The following IL27 variants were observed in gnomAD, a reference collection of about 807,000 sequenced individuals.
The protein encoded by IL27 is interleukin-27 subunit alpha.
Under a neutral mutation model 27.0 loss-of-function variants are expected in IL27, and 11 were observed. The ratio of observed to expected loss-of-function variants is 0.41; its 90% CI spans 0.26 to 0.67. The LOEUF (loss-of-function observed/expected upper bound fraction) is 0.67, where lower values mean the gene tolerates loss of function less well. Among genes scored for constraint, IL27 ranks in the 30% least tolerant of loss-of-function variants. The pLI is 0.34. For synonymous variants in IL27, 134 were observed against 140.6 expected (o/e 0.95, Z 0.33); for missense variants, 299 against 310.4 (o/e 0.96, Z 0.28).
At chr16:28,501,941 G>C (rs764418311) in intron 4 of IL27, 35 bp downstream of exon 4, 2 of 1,581,532 alleles carry the variant, frequency 1.3e-6, no homozygotes, top group Non-Finnish European at 1.7e-6. Flanking sequence ...TCTTTCCCAC[G>C]TGGTCTGGGG....
In IL27 at chr16:28,503,706, G is replaced by A. The variant is rs566281238; in HGVS notation, c.292C>T (p.Arg98Cys). Residue 98 changes from arginine (R) to cysteine (C), a missense_variant, in exon 3 of 5, where the codon CGC becomes TGC. Transcript: ENST00000356897. The part of the protein sequence containing the change: ...PDVSLTFQAW[R>C]RLSDPERLCF... The stretch of plus-strand genomic sequence containing the variant: ...CAGCCCTCACTCACAGAGAGGCGGC[G>A]CCAGGCCTGGAAGGTCAGGGAAACA... 99 of 1,610,476 alleles carry A rather than the reference G, an allele frequency of 6.1e-5. No homozygotes were observed. Among genetic ancestry groups the A allele is most frequent in the Non-Finnish European group, 7.8e-5 (92 of 1,177,878 alleles).
At chr16:28,501,711 C>T (rs2046431626) in intron 4 of IL27, among the ~76,000 whole-genome samples, 1 of 147,772 alleles carries the variant, frequency 6.8e-6, no homozygotes. Context: ...ACAGTCACTC[C>T]CACACACTCT....
chr16:28,503,332 C>T (rs1321661377), intron 3 of IL27, among the ~76,000 whole-genome samples: 1 of 152,132 alleles, frequency 6.6e-6, no homozygotes, highest in Non-Finnish European at 1.5e-5. Context: ...TCACTGCAGC[C>T]TCCAACTCCT....
At position 28,499,837 on chromosome 16, in the gene IL27, T is replaced by C. The variant is rs1567269997; in HGVS notation, c.546A>G (p.Pro182=). 6.4e-7 allele frequency: 1 copy of C among 1,573,444 alleles called. No homozygotes were observed. Among genetic ancestry groups the C allele is most frequent in the Non-Finnish European group, 8.6e-7 (1 of 1,159,806 alleles). The change falls in exon 5 of 5, where the codon CCA becomes CCG. Residue 182 remains proline (P), a synonymous_variant. Transcript: ENST00000356897. ...CCTGTAAGGCGCTGCCCAGTGCCCC[T>C]GGGAGCAGCCCCTTCCTCTCCTCCT... The part of the protein sequence containing the change: ...EEEEERKGLL[P]GALGSALQGP...
Position 28,502,351 on chromosome 16 carries a change from TCCTATG to T in IL27, c.304-223_304-218del, listed in dbSNP as rs1480175645. ...TCTCCTTTTCCAGCCTCCCTTTCAC[TCCTATG>T]CCAATGATCTTCTCTAACCCACCCC... On this transcript the variant is annotated intron_variant, in intron 3 of 4. Transcript: ENST00000356897. Among the ~76,000 whole-genome samples, 11 of 151,492 alleles carry T rather than the reference TCCTATG, an allele frequency of 7.3e-5. No individual in the cohort carries two copies. In the East Asian group the frequency reaches 2.1e-3, roughly 30 times the overall value.
At chr16:28,501,289 A>G (rs1244319016) in intron 4 of IL27, among the ~76,000 whole-genome samples, 2 of 149,664 alleles carry the variant, frequency 1.3e-5, no homozygotes, top group Non-Finnish European at 3.0e-5. Context: ...CACACACCTC[A>G]CTTTCACACT....
chr16:28,499,888 C>T lies in IL27; in HGVS notation c.495G>A (p.Glu165=), dbSNP rs1286940799. ...CCTCCTCCTCCTCTTCCTCCTCCTC[C>T]TCCTCCGGGAGGTTGAATCCTGCAG... The part of the protein sequence containing the change: ...VLAAGFNLPE[E]EEEEEEEEEE... The change falls in exon 5 of 5, where the codon GAG becomes GAA. Residue 165 remains glutamate, a synonymous_variant. Coordinates refer to ENST00000356897, the MANE Select transcript of IL27 (RefSeq NM_145659.3). The T allele has an allele frequency of 3.2e-6, 5 of 1,552,126 alleles. No individual in the cohort carries two copies. The highest frequency in any genetic ancestry group is 4.4e-6 in the Non-Finnish European group (5 of 1,147,138).
chr16:28,501,929 C>T, intron 4 of IL27, 47 bp downstream of exon 4: 1 of 1,575,890 alleles, frequency 6.3e-7, no homozygotes, highest in Non-Finnish European at 8.6e-7. Flanking sequence ...GCCAGCGAGT[C>T]TTCTTTCCCA....
At chr16:28,501,263 T>C (rs1011353291) in intron 4 of IL27, among the ~76,000 whole-genome samples, 1 of 149,076 alleles carries the variant, frequency 6.7e-6, no homozygotes, top group African/African-American at 2.5e-5. Flanking sequence ...GACATACCTA[T>C]ACCCAAACTC....
In IL27 at chr16:28,501,967, GGGCTCTAC is replaced by G; in HGVS notation, c.462+1_462+8del. The G allele has an allele frequency of 6.3e-7, 1 of 1,599,200 alleles. No homozygotes were observed. On this transcript the variant is annotated splice_donor_variant and splice_donor_5th_base_variant and intron_variant, in intron 4 of 4. Coordinates refer to ENST00000356897, the MANE Select transcript of IL27 (RefSeq NM_145659.3). LOFTEE classifies it high-confidence loss of function. ...TGGTCTGGGGTGGTGGAGGGTGGCC[GGGCTCTAC>G]CTGGAAGCGGAGGTGCCGCTGCAGA... is the stretch of plus-strand genomic sequence containing the variant.
At chr16:28,504,095 G>A (rs773685258) in intron 1 of IL27, 45 bp from the exon 2 acceptor site, 2 of 1,536,732 alleles carry the variant, frequency 1.3e-6, no homozygotes, top group East Asian at 2.3e-5. Flanking sequence ...GAGAGCTTGA[G>A]AAGGAAGGGA....
chr16:28,504,621 A>G (rs566170488), intron 1 of IL27, among the ~76,000 whole-genome samples: 7 of 149,192 alleles, frequency 4.7e-5, no homozygotes, highest in South Asian at 2.1e-4. Flanking sequence ...GTTCTGTTCT[A>G]TCACCCAGCC....
chr16:28,504,587 C>CTT (rs113113152), intron 1 of IL27, among the ~76,000 whole-genome samples: 2 of 144,458 alleles, frequency 1.4e-5, no homozygotes, highest in East Asian at 2.0e-4. Context: ...AAGCCTGATC[C>CTT]TTTTTTTTTT....
chr16:28,506,247 C>T (rs568634764), intron 1 of IL27, among the ~76,000 whole-genome samples: 12 of 152,274 alleles, frequency 7.9e-5, no homozygotes, highest in South Asian at 2.1e-4. Context: ...ACCTGCCCTA[C>T]GTGGCATGTT....
chr16:28,505,214 C>A (rs917117733), intron 1 of IL27, among the ~76,000 whole-genome samples: 1 of 152,228 alleles, frequency 6.6e-6, no homozygotes, highest in Admixed American at 6.5e-5. Flanking sequence ...CATGAGGTCC[C>A]CAGGGATGGG....
chr16:28,499,854 TCTCCTC>T lies in IL27; in HGVS notation c.523_528del (p.Glu175_Glu176del), dbSNP rs748703179. The T allele has an allele frequency of 3.4e-5, 52 of 1,535,874 alleles. No individual in the cohort carries two copies. In the Admixed American group the frequency reaches 4.1e-4, roughly 12 times the overall value. ...AGTGCCCCTGGGAGCAGCCCCTTCC[TCTCCTC>T]CTCCTCCTCCTCCTCTTCCTCCTCC... is the stretch of plus-strand genomic sequence containing the variant. On this transcript the variant is annotated inframe_deletion, in exon 5 of 5. Coordinates refer to ENST00000356897, the MANE Select transcript of IL27 (RefSeq NM_145659.3).
intron 3 of IL27, 100 bp from the exon 4 acceptor site, chr16:28,502,234 C>T: frequency 8.9e-7 from 1 of 1,126,690 alleles, no homozygotes. Context: ...TTCCACGCTC[C>T]AGCCTCCAGT....
chr16:28,503,949 T>C lies in IL27; in HGVS notation c.133A>G (p.Arg45Gly). 3.1e-6 allele frequency: 5 copies of C among 1,614,154 alleles called. No individual in the cohort carries two copies. Among genetic ancestry groups the C allele is most frequent in the Non-Finnish European group, 3.4e-6 (4 of 1,180,016 alleles). The change falls in exon 2 of 5, where the codon AGG (arginine) becomes GGG (glycine). Residue 45 changes from arginine (R) to glycine (G), a missense_variant. Coordinates refer to ENST00000356897, the MANE Select transcript of IL27 (RefSeq NM_145659.3). ...RPQLSLQELR[R>G]EFTVSLHLAR... ...AGATGCAGGCTGACTGTGAACTCCC[T>C]CCGCAGCTCCTGCAGGCTCAGCTGG...
intron 4 of IL27, 133 bp downstream of exon 4, chr16:28,501,827 TCTCACACTCATGAACC>T: frequency 1.1e-6 from 1 of 938,640 alleles, no homozygotes; most frequent in South Asian, 1.6e-5. Context: ...ACACAGTCAC[TCTCACACTCATGAACC>T]CACACACTCA....
Sources: gnomAD v4.1 joint callset for allele counts (sites outside exome capture counted in the v4.1 genomes callset) on GRCh38, gnomAD v4.1.1 for gene constraint, MANE v1.5 for transcripts, NCBI Gene and HGNC (gene_info 2026-07-23, HGNC 2026-07-21) for gene names.